Variants in CNTNAP2 observed in about 807,000 individuals in gnomAD.
The protein encoded by CNTNAP2 is contactin associated protein 2, also known as contactin-associated protein-like 2.
Under a neutral mutation model 155.2 loss-of-function variants are expected in CNTNAP2, and 98 were observed. The observed-to-expected ratio is 0.63, with a 90% confidence interval of 0.54 to 0.75. The LOEUF is 0.75. Ranked by LOEUF, CNTNAP2 falls within the 30% of genes least tolerant of loss-of-function variation. The pLI is 0.00. For synonymous variants in CNTNAP2, 651 were observed against 631.2 expected, an observed-to-expected ratio of 1.03 and a Z score of -0.47; for missense variants, 1,727 against 1,688.1, an observed-to-expected ratio of 1.02 and a Z score of -0.40.
At chr7:146,846,386 A>G (rs1342379499) in intron 3 of CNTNAP2, among the ~76,000 whole-genome samples, 3 of 149,824 alleles carry the variant, frequency 2.0e-5, no homozygotes, top group Non-Finnish European at 4.4e-5. Context: ...TGGGGTAAAA[A>G]TCTTCAGAAC....
intron 3 of CNTNAP2, among the ~76,000 whole-genome samples, chr7:146,998,210 C>T (rs1798349021): frequency 1.3e-5 from 2 of 151,894 alleles, no homozygotes; most frequent in African/African-American, 2.4e-5. Context: ...TTGCTATATC[C>T]CGCAGAATAT....
intron 3 of CNTNAP2, among the ~76,000 whole-genome samples, chr7:146,987,260 C>G (rs772028846): frequency 1.3e-5 from 2 of 151,886 alleles, no homozygotes; most frequent in Non-Finnish European, 2.9e-5. Context: ...GAGGTATTAT[C>G]CTTTTTTGTA....
At chr7:146,921,561 A>G (rs1355651223) in intron 3 of CNTNAP2, among the ~76,000 whole-genome samples, 2 of 152,130 alleles carry the variant, frequency 1.3e-5, no homozygotes, top group Admixed American at 6.6e-5. Flanking sequence ...GTGGAAGGCA[A>G]AGGAGGAGCA....
chr7:147,551,604 C>T (rs1799853606), intron 11 of CNTNAP2, among the ~76,000 whole-genome samples: 1 of 152,144 alleles, frequency 6.6e-6, no homozygotes, highest in South Asian at 2.1e-4. Flanking sequence ...ATCCTCATAT[C>T]TCAAAAGAAG....
rs1321670528 is a variant in CNTNAP2, at chr7:147,845,015, T to G, written c.2099-58550T>G. On this transcript the variant is annotated intron_variant, in intron 13 of 23. Transcript: ENST00000361727. The stretch of plus-strand genomic sequence containing the variant: ...GGTTTGCCAGTATTTTATTGAGGAT[T>G]TTTGCATCAATGTTCATCAAGGATA... Among the ~76,000 whole-genome samples the G allele has an allele frequency of 8.0e-4, 103 of 129,052 alleles. 2 individuals are homozygous for G. In the South Asian group the frequency reaches 0.023, roughly 29 times the overall value. 84.7% of individuals were successfully genotyped at this position (129,052 alleles called of 152,430 possible).
chr7:147,841,604 T>A (rs990734990), intron 13 of CNTNAP2, among the ~76,000 whole-genome samples: 1 of 152,214 alleles, frequency 6.6e-6, no homozygotes, highest in Non-Finnish European at 1.5e-5. Flanking sequence ...TTCTAGCTCA[T>A]GAGGAACACA....
intron 9 of CNTNAP2, among the ~76,000 whole-genome samples, chr7:147,300,583 A>C (rs1794930327): frequency 6.6e-6 from 1 of 152,230 alleles, no homozygotes. Flanking sequence ...AGGTCCTTGG[A>C]ATATTTGCTG....
chr7:146,326,189 T>G (rs572506634), intron 1 of CNTNAP2, among the ~76,000 whole-genome samples: 4 of 152,226 alleles, frequency 2.6e-5, no homozygotes, highest in African/African-American at 9.6e-5. Flanking sequence ...CACATACACA[T>G]GCACTCTCAC....
intron 9 of CNTNAP2, among the ~76,000 whole-genome samples, chr7:147,334,714 C>A (rs1407507274): frequency 6.6e-6 from 1 of 152,088 alleles, no homozygotes; most frequent in African/African-American, 2.4e-5. Flanking sequence ...CAGTGTGACT[C>A]CCTTACTGTC....
chr7:146,819,529 C>T (rs1484278984), intron 2 of CNTNAP2, among the ~76,000 whole-genome samples: 1 of 152,108 alleles, frequency 6.6e-6, no homozygotes, highest in Admixed American at 6.6e-5. Flanking sequence ...CACGTCCCAT[C>T]AAGTCTTGGA....
intron 10 of CNTNAP2, among the ~76,000 whole-genome samples, chr7:147,461,446 C>T (rs1451943278): frequency 1.2e-4 from 18 of 151,962 alleles, no homozygotes; most frequent in Admixed American, 4.6e-4. Context: ...GGCAATCAGA[C>T]GATTTTTATG....
At chr7:147,639,085 T>C (rs766557049) in intron 12 of CNTNAP2, 21 bp from the exon 13 acceptor site, 2 of 1,612,444 alleles carry the variant, frequency 1.2e-6, no homozygotes, top group Non-Finnish European at 1.7e-6. Context: ...TCCAGGGTCC[T>C]GGTTGTTTTT....
At chr7:148,110,577 G>C (rs987197206) in intron 15 of CNTNAP2, among the ~76,000 whole-genome samples, 1 of 152,218 alleles carries the variant, frequency 6.6e-6, no homozygotes, top group Admixed American at 6.5e-5. Flanking sequence ...CACAAGTTCA[G>C]TTACTTCACT....
chr7:146,219,814 C>T (rs1227721031), intron 1 of CNTNAP2, among the ~76,000 whole-genome samples: 1 of 152,042 alleles, frequency 6.6e-6, no homozygotes, highest in Non-Finnish European at 1.5e-5. Context: ...TGAATTCTGG[C>T]TGGTAGTGTC....
In CNTNAP2 at chr7:147,903,632, G is replaced by A; in HGVS notation, c.2166G>A (p.Gly722=). The part of the protein sequence containing the change: ...NEKHYYWGGS[G]PGIQKCACGI... ...AGCACTACTACTGGGGAGGCTCTGG[G>A]CCTGGAATCCAGAAATGTGCCTGCG... is the stretch of plus-strand genomic sequence containing the variant. Residue 722 remains glycine (G), a synonymous_variant, in exon 14 of 24, where the codon GGG becomes GGA. Transcript: ENST00000361727. 1.9e-6 allele frequency: 3 copies of A among 1,614,144 alleles called. No individual in the cohort carries two copies. Among genetic ancestry groups the A allele is most frequent in the Non-Finnish European group, 2.5e-6 (3 of 1,180,014 alleles).
intron 15 of CNTNAP2, among the ~76,000 whole-genome samples, chr7:148,009,354 T>C (rs1433567238): frequency 6.6e-6 from 1 of 152,206 alleles, no homozygotes; most frequent in East Asian, 1.9e-4. Flanking sequence ...ACTGAATGCA[T>C]ATGGCTTTTG....
At chr7:147,702,374 A>G (rs1796249029) in intron 13 of CNTNAP2, among the ~76,000 whole-genome samples, 1 of 152,188 alleles carries the variant, frequency 6.6e-6, no homozygotes, top group South Asian at 2.1e-4. Context: ...TCTGATTAAA[A>G]TAAATGGGTT....
chr7:148,017,139 T>C (rs1046032047), intron 15 of CNTNAP2, among the ~76,000 whole-genome samples: 1 of 152,214 alleles, frequency 6.6e-6, no homozygotes, highest in African/African-American at 2.4e-5. Context: ...TCTCAGCACC[T>C]GAGCTTCTCA....
chr7:146,332,241 A>C (rs1026913271), intron 1 of CNTNAP2, among the ~76,000 whole-genome samples: 1 of 152,058 alleles, frequency 6.6e-6, no homozygotes, highest in African/African-American at 2.4e-5. Flanking sequence ...TAACTTTTAT[A>C]ATCGAATGCA....
Sources: gnomAD v4.1 joint callset for allele counts (sites outside exome capture counted in the v4.1 genomes callset) on GRCh38, gnomAD v4.1.1 for gene constraint, MANE v1.5 for transcripts, NCBI Gene and HGNC (gene_info 2026-07-23, HGNC 2026-07-21) for gene names.